COPG2: variants seen among roughly 807,000 people sequenced by gnomAD.
COPG2 encodes the protein coat protein complex I subunit gamma 2.
COPG2 carries 37 observed loss-of-function variants against 46.3 expected under a neutral mutation model. That is an observed-to-expected ratio of 0.80 (90% CI 0.61 to 1.05). COPG2 has a LOEUF of 1.05. Among genes scored for constraint, COPG2 ranks in the 50% least tolerant of loss-of-function variants. The pLI is 0.00. For synonymous variants in COPG2, 159 were observed against 129.7 expected (o/e 1.23, Z -1.53); for missense variants, 427 against 387.8 (o/e 1.10, Z -0.85).
intron 5 of COPG2, among the ~76,000 whole-genome samples, chr7:130,646,036 G>A (rs190952930): frequency 1.1e-4 from 17 of 152,158 alleles, no homozygotes; most frequent in East Asian, 7.7e-4. Context: ...TTCTTCTCCC[G>A]TTATAATTCC....
intron 5 of COPG2, among the ~76,000 whole-genome samples, chr7:130,647,121 A>G (rs1311995617): frequency 6.6e-6 from 1 of 151,426 alleles, no homozygotes; most frequent in Non-Finnish European, 1.5e-5. Flanking sequence ...GCTCACTGCA[A>G]TCTCTGCCTC....
intron 20 of COPG2, among the ~76,000 whole-genome samples, chr7:130,524,563 T>G (rs1799756352): frequency 6.6e-6 from 1 of 151,808 alleles, no homozygotes; most frequent in Admixed American, 6.6e-5. Flanking sequence ...GGAGAGCCTG[T>G]TGAGAGCAGG....
chr7:130,529,831 T>A (rs964626171), intron 20 of COPG2, among the ~76,000 whole-genome samples: 1 of 152,212 alleles, frequency 6.6e-6, no homozygotes, highest in Admixed American at 6.5e-5. Context: ...TAGGACATAA[T>A]GCGATGGAGA....
chr7:130,601,712 T>G (rs1176799072), intron 9 of COPG2, among the ~76,000 whole-genome samples: 1 of 152,002 alleles, frequency 6.6e-6, no homozygotes, highest in African/African-American at 2.4e-5. Context: ...ATACCTAATG[T>G]AGATGACAGG....
intron 9 of COPG2, among the ~76,000 whole-genome samples, chr7:130,603,335 G>T (rs1794672111): frequency 6.6e-6 from 1 of 152,064 alleles, no homozygotes; most frequent in Admixed American, 6.6e-5. Context: ...AACAGTAATT[G>T]TTCATTTCCA....
intron 6 of COPG2, 110 bp from the exon 7 acceptor site, chr7:130,613,746 A>C (rs1794899044): frequency 1.4e-6 from 1 of 721,734 alleles, no homozygotes. Context: ...GTTTCTGTGC[A>C]AATATTCAGA....
intron 20 of COPG2, among the ~76,000 whole-genome samples, chr7:130,538,015 G>T (rs1357434791): frequency 6.6e-6 from 1 of 152,174 alleles, no homozygotes; most frequent in Non-Finnish European, 1.5e-5. Flanking sequence ...GGACGGTTAG[G>T]GGTGAACTGA....
chr7:130,568,491 T>C (rs958396597), intron 9 of COPG2, among the ~76,000 whole-genome samples: 23 of 152,160 alleles, frequency 1.5e-4, no homozygotes, highest in Admixed American at 3.9e-4. Context: ...ATAAAAGCAC[T>C]AGTCCAACAG....
chr7:130,527,848 C>T (rs1486350085), intron 20 of COPG2, among the ~76,000 whole-genome samples: 3 of 152,074 alleles, frequency 2.0e-5, no homozygotes, highest in Non-Finnish European at 2.9e-5. Flanking sequence ...GCTGAAAAGG[C>T]AATGGGACCA....
chr7:130,553,875 T>G (rs1306744565), intron 14 of COPG2, among the ~76,000 whole-genome samples: 1 of 152,184 alleles, frequency 6.6e-6, no homozygotes, highest in Non-Finnish European at 1.5e-5. Context: ...GTGGACTGAG[T>G]GTAAACAAAG....
At chr7:130,601,842 G>A (rs1794637257) in intron 9 of COPG2, among the ~76,000 whole-genome samples, 1 of 148,814 alleles carries the variant, frequency 6.7e-6, no homozygotes, top group Non-Finnish European at 1.5e-5. Context: ...AAGGAAGGAA[G>A]GAGGGAAGGA....
At chr7:130,636,188 G>C (rs2116184381) in intron 5 of COPG2, among the ~76,000 whole-genome samples, 1 of 152,260 alleles carries the variant, frequency 6.6e-6, no homozygotes. Flanking sequence ...CGTTGATTTG[G>C]GGTGGAGAGT....
chr7:130,656,749 G>T (rs1467479858), intron 4 of COPG2, among the ~76,000 whole-genome samples: 1 of 151,902 alleles, frequency 6.6e-6, no homozygotes, highest in Non-Finnish European at 1.5e-5. Context: ...CAAAATATGT[G>T]CAAGACTTGT....
At chr7:130,658,062 A>C (rs1227849832) in intron 4 of COPG2, among the ~76,000 whole-genome samples, 1 of 152,232 alleles carries the variant, frequency 6.6e-6, no homozygotes, top group African/African-American at 2.4e-5. Flanking sequence ...AAAAGAAATA[A>C]AAATGTATGT....
At chr7:130,600,710 G>A (rs782232902) in intron 9 of COPG2, among the ~76,000 whole-genome samples, 1 of 152,000 alleles carries the variant, frequency 6.6e-6, no homozygotes, top group Non-Finnish European at 1.5e-5. Flanking sequence ...TTTTGTTTGT[G>A]TCTTTTCTAA....
intron 9 of COPG2, among the ~76,000 whole-genome samples, chr7:130,576,037 T>A (rs568791903): frequency 1.3e-5 from 2 of 152,054 alleles, no homozygotes; most frequent in Non-Finnish European, 2.9e-5. Context: ...TAAACATATA[T>A]CCACCCAAAA....
At position 130,619,833 on chromosome 7, in the gene COPG2, T is replaced by C. The variant is rs554499321; in HGVS notation, c.324-2768A>G. Among the ~76,000 whole-genome samples the C allele has an allele frequency of 3.4e-4, 52 of 152,340 alleles. No homozygotes were observed. In the Middle Eastern group the frequency reaches 0.01, roughly 30 times the overall value. On this transcript the variant is annotated intron_variant, in intron 5 of 23. Transcript: ENST00000425248. ...TTAGCTGTATTATTCTTGTATCACA[T>C]GTTCTGTTTCTTAAAACTTTGCAGA...
intron 11 of COPG2, 23 bp downstream of exon 11, chr7:130,563,246 A>G (rs998402612): frequency 2.5e-5 from 10 of 398,030 alleles, no homozygotes; most frequent in Non-Finnish European, 4.4e-5. Flanking sequence ...ATATAAGTCA[A>G]TAATTAGCAA....
rs1584969469 is a variant in COPG2, at chr7:130,547,471, TTA to T, written c.2149+201_2149+202del. Reference sequence around the variant, plus strand: ...TGTTCAGCAAATTTTACTCAGAGATTTAGTTTTAAAATTAATATTTCTGCAGC... The same window carrying T: ...TGTTCAGCAAATTTTACTCAGAGATTGTTTTAAAATTAATATTTCTGCAGC... On this transcript the variant is annotated intron_variant, in intron 20 of 23. Coordinates refer to ENST00000425248, the MANE Select transcript of COPG2 (RefSeq NM_012133.6). 1.3e-5 allele frequency: 5 copies of T among 390,602 alleles called. No homozygotes were observed. The East Asian group carries it at 1.4e-4, about 11-fold the overall frequency. The allele number at this position is 390,602 out of a possible 1,614,324, so 24.2% of individuals were successfully genotyped here. A position where few individuals can be genotyped will look rare whatever the true frequency, so the allele number is the denominator to read the frequency against.
Sources: gnomAD v4.1 joint callset for allele counts (sites outside exome capture counted in the v4.1 genomes callset) on GRCh38, gnomAD v4.1.1 for gene constraint, MANE v1.5 for transcripts, NCBI Gene and HGNC (gene_info 2026-07-23, HGNC 2026-07-21) for gene names.